AFAP1: variants seen among roughly 807,000 people sequenced by gnomAD.
AFAP1 encodes the protein actin filament-associated protein 1.
In AFAP1, 75 loss-of-function variants were observed where a neutral mutation model predicts 93.9. The ratio of observed to expected loss-of-function variants is 0.80; its 90% CI spans 0.66 to 0.97. AFAP1 has a LOEUF of 0.97. Among genes scored for constraint, AFAP1 ranks in the 50% least tolerant of loss-of-function variants. The pLI, the probability that AFAP1 is intolerant of heterozygous loss-of-function variation, is 0.00. For synonymous variants in AFAP1, 517 were observed against 430.7 expected (o/e 1.20, Z -2.48); for missense variants, 1,201 against 1,050.8 (o/e 1.14, Z -1.98).
intron 1 of AFAP1, among the ~76,000 whole-genome samples, chr4:7,932,760 G>T (rs112539624): frequency 6.6e-6 from 1 of 152,018 alleles, no homozygotes; most frequent in African/African-American, 2.4e-5. Flanking sequence ...AGTGGCTCAC[G>T]CCTGTAATTC....
At chr4:7,842,373 T>G (rs925190789) in intron 5 of AFAP1, among the ~76,000 whole-genome samples, 13 of 148,464 alleles carry the variant, frequency 8.8e-5, no homozygotes, top group African/African-American at 3.2e-4. Context: ...GAAACATAAA[T>G]TCTTGTTTTC....
rs201461909 is a variant in AFAP1, at chr4:7,869,004, AGAAAGG to A, written c.128-291_128-286del. On this transcript the variant is annotated intron_variant, in intron 2 of 17. Coordinates refer to ENST00000420658, the MANE Select transcript of AFAP1 (RefSeq NM_001134647.2). ...AGAAAAAAGAAAAGAAAAGAGAAAG[AGAAAGG>A]GAAAGGGAAAGGGAAAGAAAAAAGA... 7.2e-3 allele frequency among the ~76,000 whole-genome samples: 1,090 copies of A among 151,300 alleles called. 11 individuals carry two copies. The highest frequency in any genetic ancestry group is 0.022 in the African/African-American group (916 of 41,160).
chr4:7,798,916 C>T (rs1466543762), intron 10 of AFAP1: 4 of 987,092 alleles, frequency 4.1e-6, no homozygotes, highest in Non-Finnish European at 2.4e-6. Flanking sequence ...CAATTCATGC[C>T]TCCTTCTCCT....
chr4:7,764,161 A>G (rs1577164848), intron 17 of AFAP1, among the ~76,000 whole-genome samples: 1 of 152,340 alleles, frequency 6.6e-6, no homozygotes, highest in South Asian at 2.1e-4. Context: ...ATGAACCTTG[A>G]GGACATGATC....
At chr4:7,836,044 G>A (rs1712258284) in intron 6 of AFAP1, among the ~76,000 whole-genome samples, 1 of 152,118 alleles carries the variant, frequency 6.6e-6, no homozygotes, top group Non-Finnish European at 1.5e-5. Flanking sequence ...AGGAACAACT[G>A]GGGACCCCCG....
chr4:7,764,788 T>G (rs1435946757), intron 17 of AFAP1, among the ~76,000 whole-genome samples: 1 of 151,816 alleles, frequency 6.6e-6, no homozygotes, highest in Non-Finnish European at 1.5e-5. Context: ...CCCTGCAAGG[T>G]GGACAGTACC....
intron 2 of AFAP1, among the ~76,000 whole-genome samples, chr4:7,869,344 A>G (rs1213139882): frequency 6.6e-6 from 1 of 152,238 alleles, no homozygotes; most frequent in Non-Finnish European, 1.5e-5. Context: ...TGCACCTCAA[A>G]GGGAAAGCTG....
intron 1 of AFAP1, among the ~76,000 whole-genome samples, chr4:7,936,022 T>G (rs1162572518): frequency 6.6e-6 from 1 of 152,168 alleles, no homozygotes; most frequent in Non-Finnish European, 1.5e-5. Context: ...TAAGATCACA[T>G]TCCCCAAAAG....
At chr4:7,874,377 T>TTTTTTTTTTTTC in intron 1 of AFAP1, among the ~76,000 whole-genome samples, 1 of 106,750 alleles carries the variant, frequency 9.4e-6, no homozygotes, top group African/African-American at 3.1e-5. Flanking sequence ...TTTTTTTTTT[T>TTTTTTTTTTTTC]TTTTGAGACA....
chr4:7,917,857 G>T (rs1460795738), intron 1 of AFAP1, among the ~76,000 whole-genome samples: 2 of 152,152 alleles, frequency 1.3e-5, no homozygotes, highest in African/African-American at 2.4e-5. Context: ...AGGTGGAAAC[G>T]CAACCTGACA....
At chr4:7,926,490 C>T (rs1720745789) in intron 1 of AFAP1, among the ~76,000 whole-genome samples, 1 of 152,132 alleles carries the variant, frequency 6.6e-6, no homozygotes, top group African/African-American at 2.4e-5. Flanking sequence ...AAATGCCTAC[C>T]GTGGTTAGAA....
At chr4:7,870,592 T>C (rs775675761) in intron 2 of AFAP1, among the ~76,000 whole-genome samples, 30 of 152,030 alleles carry the variant, frequency 2.0e-4, no homozygotes, top group Non-Finnish European at 4.3e-4. Flanking sequence ...GGGAGGTTAA[T>C]ACTGCAGTGA....
intron 1 of AFAP1, among the ~76,000 whole-genome samples, chr4:7,902,899 T>C (rs529941734): frequency 6.6e-6 from 1 of 152,352 alleles, no homozygotes; most frequent in East Asian, 1.9e-4. Context: ...CAGCTCTTCA[T>C]ACACACATAC....
At chr4:7,821,933 G>A (rs1244054737) in intron 6 of AFAP1, among the ~76,000 whole-genome samples, 6 of 152,192 alleles carry the variant, frequency 3.9e-5, no homozygotes, top group South Asian at 2.1e-4. Context: ...CAGAGAGCTC[G>A]CTGTCATATC....
intron 1 of AFAP1, among the ~76,000 whole-genome samples, chr4:7,874,530 AT>A (rs71175435): frequency 0.014 from 732 of 51,398 alleles, 5 homozygotes; most frequent in African/African-American, 0.053. Context: ...TGCCCAGCTA[AT>A]TTTTTTTTTT....
Position 7,800,604 on chromosome 4 carries a change from T to G in AFAP1, c.1104A>C (p.Arg368=). Residue 368 remains arginine, a synonymous_variant, in exon 10 of 18, where the codon CGA becomes CGC. Coordinates refer to ENST00000420658, the MANE Select transcript of AFAP1 (RefSeq NM_001134647.2). The part of the protein sequence containing the change: ...SNSRWRERWC[R]VKDNKLIFHK... Reference sequence around the variant, plus strand: ...GGAAAATGAGCTTGTTATCTTTCACTCGGCACCAGCGCTCTCGCCAGCGGC... The same window carrying G: ...GGAAAATGAGCTTGTTATCTTTCACGCGGCACCAGCGCTCTCGCCAGCGGC... 1 of 1,614,156 alleles carries G rather than the reference T, an allele frequency of 6.2e-7. No individual in the cohort carries two copies. Among genetic ancestry groups the G allele is most frequent in the Non-Finnish European group, 8.5e-7 (1 of 1,180,020 alleles).
At chr4:7,855,027 C>G (rs1714889386) in intron 4 of AFAP1, among the ~76,000 whole-genome samples, 1 of 152,196 alleles carries the variant, frequency 6.6e-6, no homozygotes, top group Non-Finnish European at 1.5e-5. Context: ...AAGTCTATGA[C>G]AGAGACGCCT....
At position 7,926,759 on chromosome 4, in the gene AFAP1, C is replaced by T. The variant is rs376325966; in HGVS notation, c.-3+12897G>A. ...CCTTCTTTCTTTTTATTTTTTGATA[C>T]GGAGTCTCCCTGTGTCGCCCAAGCT... On this transcript the variant is annotated intron_variant, in intron 1 of 17. Coordinates refer to ENST00000420658, the MANE Select transcript of AFAP1 (RefSeq NM_001134647.2). 7.9e-5 allele frequency among the ~76,000 whole-genome samples: 12 copies of T among 152,178 alleles called. No homozygotes were observed. The South Asian group carries it at 1.5e-3, about 18-fold the overall frequency.
intron 16 of AFAP1, among the ~76,000 whole-genome samples, chr4:7,772,038 T>C (rs1715515496): frequency 6.6e-6 from 1 of 152,178 alleles, no homozygotes; most frequent in African/African-American, 2.4e-5. Context: ...AGCGGTGGGT[T>C]CAACCAGGCT....
Sources: gnomAD v4.1 joint callset for allele counts (sites outside exome capture counted in the v4.1 genomes callset) on GRCh38, gnomAD v4.1.1 for gene constraint, MANE v1.5 for transcripts, NCBI Gene and HGNC (gene_info 2026-07-23, HGNC 2026-07-21) for gene names.